Variants in ANKS1B observed in about 807,000 individuals in gnomAD.
The protein encoded by ANKS1B is ankyrin repeat and sterile alpha motif domain containing 1B, also known as ankyrin repeat and sterile alpha motif domain-containing protein 1B.
ANKS1B carries 36 observed loss-of-function variants against 148.3 expected under a neutral mutation model. The ratio of observed to expected loss-of-function variants is 0.24; its 90% CI spans 0.19 to 0.32. The LOEUF (loss-of-function observed/expected upper bound fraction) is 0.32. Ranked by LOEUF, ANKS1B falls within the 10% of genes least tolerant of loss-of-function variation. The probability of loss-of-function intolerance (pLI) is 1.00; values close to 1 mark genes in which losing one functional copy is unlikely to be tolerated. For synonymous variants in ANKS1B, 542 were observed against 560.8 expected (o/e 0.97, Z 0.47); for missense variants, 1,157 against 1,542.6 (o/e 0.75, Z 4.19).
intron 17 of ANKS1B, among the ~76,000 whole-genome samples, chr12:98,918,014 A>G (rs2099796697): frequency 6.6e-6 from 1 of 152,206 alleles, no homozygotes; most frequent in Admixed American, 6.5e-5. Context: ...TAGAGAGGCT[A>G]TTTATGTTCA....
At chr12:99,152,497 A>G (rs2075197710) in intron 15 of ANKS1B, among the ~76,000 whole-genome samples, 1 of 152,170 alleles carries the variant, frequency 6.6e-6, no homozygotes, top group South Asian at 2.1e-4. Flanking sequence ...AAGTGCTTAT[A>G]CATGATTCAT....
chr12:99,355,301 C>A (rs2091866639), intron 12 of ANKS1B, among the ~76,000 whole-genome samples: 1 of 152,008 alleles, frequency 6.6e-6, no homozygotes, highest in Admixed American at 6.6e-5. Context: ...GAATTATTTC[C>A]TTGGCTTTGA....
chr12:99,369,820 A>G (rs1034991986), intron 12 of ANKS1B, among the ~76,000 whole-genome samples: 6 of 148,144 alleles, frequency 4.1e-5, no homozygotes, highest in African/African-American at 7.6e-5. Flanking sequence ...ACGGACGGAC[A>G]GACGGACGGA....
At chr12:98,806,804 T>C (rs2099054163) in intron 20 of ANKS1B, among the ~76,000 whole-genome samples, 1 of 152,208 alleles carries the variant, frequency 6.6e-6, no homozygotes, top group African/African-American at 2.4e-5. Flanking sequence ...AGAGCAGAGA[T>C]GGCTACTTAC....
At chr12:99,541,436 A>G (rs2097125198) in intron 9 of ANKS1B, among the ~76,000 whole-genome samples, 1 of 152,172 alleles carries the variant, frequency 6.6e-6, no homozygotes, top group Admixed American at 6.5e-5. Flanking sequence ...TATCATGACC[A>G]AGTGCCTCAG....
At chr12:99,493,724 G>A (rs1170420720) in intron 10 of ANKS1B, among the ~76,000 whole-genome samples, 1 of 152,160 alleles carries the variant, frequency 6.6e-6, no homozygotes, top group Non-Finnish European at 1.5e-5. Context: ...AAAAGGTTTG[G>A]GGGGAAAGAT....
intron 12 of ANKS1B, among the ~76,000 whole-genome samples, chr12:99,290,875 A>T (rs1427012468): frequency 6.6e-6 from 1 of 152,066 alleles, no homozygotes; most frequent in South Asian, 2.1e-4. Context: ...CAAGACAAGG[A>T]TGTCCTCTTT....
intron 12 of ANKS1B, among the ~76,000 whole-genome samples, chr12:99,359,806 T>C (rs2092333877): frequency 6.6e-6 from 1 of 152,182 alleles, no homozygotes; most frequent in African/African-American, 2.4e-5. Context: ...TACTAGTTAA[T>C]TTAGTGTAAA....
At chr12:99,936,367 C>G (rs1430997190) in intron 1 of ANKS1B, among the ~76,000 whole-genome samples, 1 of 152,170 alleles carries the variant, frequency 6.6e-6, no homozygotes, top group Non-Finnish European at 1.5e-5. Flanking sequence ...GATAATTAGG[C>G]CAGGCACAGT....
intron 9 of ANKS1B, among the ~76,000 whole-genome samples, chr12:99,514,688 A>T (rs545838842): frequency 1.1e-4 from 17 of 152,244 alleles, no homozygotes; most frequent in African/African-American, 3.9e-4. Flanking sequence ...CAAAGATAAA[A>T]ATGACTATGA....
At chr12:99,312,622 A>C (rs1377357760) in intron 12 of ANKS1B, among the ~76,000 whole-genome samples, 1 of 152,176 alleles carries the variant, frequency 6.6e-6, no homozygotes, top group African/African-American at 2.4e-5. Context: ...AACATCATAA[A>C]ATAGATGGAA....
chr12:98,907,378 T>C (rs920855881), intron 17 of ANKS1B, among the ~76,000 whole-genome samples: 4 of 152,200 alleles, frequency 2.6e-5, no homozygotes, highest in South Asian at 4.1e-4. Flanking sequence ...AACCTCAGCT[T>C]GATGCCGTCC....
intron 17 of ANKS1B, among the ~76,000 whole-genome samples, chr12:98,978,422 T>C (rs959402621): frequency 6.6e-6 from 1 of 152,216 alleles, no homozygotes; most frequent in Non-Finnish European, 1.5e-5. Context: ...AGTCTTACCA[T>C]GCTATTTATT....
At chr12:99,768,335 A>G (rs1018085931) in intron 8 of ANKS1B, among the ~76,000 whole-genome samples, 5 of 152,140 alleles carry the variant, frequency 3.3e-5, no homozygotes, top group Non-Finnish European at 5.9e-5. Context: ...GAAATGTTAT[A>G]ATTGAGGACT....
intron 8 of ANKS1B, among the ~76,000 whole-genome samples, chr12:99,680,333 TGGGA>T (rs1458271996): frequency 3.3e-5 from 5 of 151,764 alleles, no homozygotes; most frequent in Non-Finnish European, 7.4e-5. Context: ...CCCAGCTGGC[TGGGA>T]GGCTGAGGTG....
intron 10 of ANKS1B, among the ~76,000 whole-genome samples, chr12:99,460,847 A>G (rs2095948376): frequency 6.6e-6 from 1 of 152,078 alleles, no homozygotes; most frequent in South Asian, 2.1e-4. Flanking sequence ...GATTCCTCAA[A>G]GAAGTAAAAG....
chr12:99,423,838 A>G (rs575642679), intron 11 of ANKS1B, among the ~76,000 whole-genome samples: 136 of 152,202 alleles, frequency 8.9e-4, no homozygotes, highest in Non-Finnish European at 1.7e-3. Flanking sequence ...GACCTATTGG[A>G]GGGTGGAGGG....
At chr12:99,513,505 C>T (rs368232376) in intron 9 of ANKS1B, among the ~76,000 whole-genome samples, 20 of 152,124 alleles carry the variant, frequency 1.3e-4, no homozygotes, top group South Asian at 6.2e-4. Context: ...TAATTATTAA[C>T]TTCATGTTTA....
intron 8 of ANKS1B, among the ~76,000 whole-genome samples, chr12:99,755,932 G>A (rs892549288): frequency 2.0e-5 from 3 of 151,348 alleles, no homozygotes; most frequent in African/African-American, 7.3e-5. Flanking sequence ...TCCTTATTTT[G>A]AGGACATACC....
Sources: gnomAD v4.1 joint callset for allele counts (sites outside exome capture counted in the v4.1 genomes callset) on GRCh38, gnomAD v4.1.1 for gene constraint, MANE v1.5 for transcripts, NCBI Gene and HGNC (gene_info 2026-07-23, HGNC 2026-07-21) for gene names.